Variants in MYO16 observed in about 807,000 individuals in gnomAD.
The protein encoded by MYO16 is unconventional myosin-XVI.
In MYO16, 94 loss-of-function variants were observed where a neutral mutation model predicts 205.3. The observed-to-expected ratio is 0.46, with a 90% CI of 0.39 to 0.54. The LOEUF (loss-of-function observed/expected upper bound fraction) is 0.54. Ranked by LOEUF, MYO16 falls within the 20% of genes least tolerant of loss-of-function variation. MYO16 has a pLI of 0.00. For synonymous variants in MYO16, 988 were observed against 954.0 expected (o/e 1.04, Z -0.66); for missense variants, 2,315 against 2,387.5 (o/e 0.97, Z 0.63).
At chr13:109,059,372 G>T (rs1887513116) in intron 27 of MYO16, among the ~76,000 whole-genome samples, 1 of 152,158 alleles carries the variant, frequency 6.6e-6, no homozygotes, top group African/African-American at 2.4e-5. Flanking sequence ...TGTGTTAGCA[G>T]GCATGAAAAC....
At chr13:108,877,219 A>G (rs748580121) in intron 12 of MYO16, among the ~76,000 whole-genome samples, 1 of 152,240 alleles carries the variant, frequency 6.6e-6, no homozygotes, top group Non-Finnish European at 1.5e-5. Context: ...GAGTTTCAAC[A>G]GAGATATTCC....
Position 108,925,196 on chromosome 13 carries a change from T to C in MYO16, c.1925+15046T>C, listed in dbSNP as rs139075405. Among the ~76,000 whole-genome samples, 1,370 of 152,288 alleles carry C rather than the reference T, an allele frequency of 9.0e-3. 17 individuals carry two copies. The highest frequency in any genetic ancestry group is 0.03 in the African/African-American group (1,246 of 41,552). ...TCTCACTGGTCCCGGCATCTCTCTG[T>C]GGGCATCCTTTAAGATGTTTAACTT... On this transcript the variant is annotated intron_variant, in intron 16 of 34. Transcript: ENST00000457511.
At chr13:108,663,784 C>A (rs1881606326) in intron 1 of MYO16, among the ~76,000 whole-genome samples, 1 of 152,202 alleles carries the variant, frequency 6.6e-6, no homozygotes, top group Non-Finnish European at 1.5e-5. Flanking sequence ...CAACTGCTGG[C>A]TAATCAACAC....
At chr13:108,671,684 A>G (rs779632796) in intron 2 of MYO16, among the ~76,000 whole-genome samples, 33 of 152,182 alleles carry the variant, frequency 2.2e-4, no homozygotes, top group Non-Finnish European at 3.2e-4. Flanking sequence ...TCAAAATATC[A>G]CAGACTAAAC....
intron 32 of MYO16, among the ~76,000 whole-genome samples, chr13:109,143,103 T>C (rs1048552229): frequency 6.6e-6 from 1 of 152,032 alleles, no homozygotes; most frequent in African/African-American, 2.4e-5. Flanking sequence ...AGTGGTAGGA[T>C]TGGAAGTAAA....
At chr13:108,978,232 G>A (rs996414331) in intron 20 of MYO16, among the ~76,000 whole-genome samples, 3 of 151,746 alleles carry the variant, frequency 2.0e-5, no homozygotes, top group Non-Finnish European at 2.9e-5. Context: ...GTAAATGATC[G>A]TAATTATCTT....
At chr13:108,542,388 A>T in the MYO16 span, among the ~76,000 whole-genome samples, 2 of 152,174 alleles carry the variant, frequency 1.3e-5, no homozygotes, top group Admixed American at 1.3e-4. Flanking sequence ...CTGCGTGATG[A>T]AATAATCTGT....
At chr13:108,546,261 G>A in the MYO16 span, among the ~76,000 whole-genome samples, 2 of 152,150 alleles carry the variant, frequency 1.3e-5, no homozygotes, top group Non-Finnish European at 2.9e-5. Flanking sequence ...CCTTAGGGTT[G>A]CGTTCTGAGC....
At chr13:108,681,623 G>T (rs551617586) in intron 2 of MYO16, among the ~76,000 whole-genome samples, 1 of 152,056 alleles carries the variant, frequency 6.6e-6, no homozygotes, top group East Asian at 1.9e-4. Flanking sequence ...CCATCAAGAA[G>T]GTGAACATGT....
At chr13:109,115,880 G>A (rs183368819) in intron 28 of MYO16, among the ~76,000 whole-genome samples, 4 of 152,220 alleles carry the variant, frequency 2.6e-5, no homozygotes, top group Admixed American at 1.3e-4. Context: ...AATGGTTTCT[G>A]AGGAAGAACT....
the MYO16 span, among the ~76,000 whole-genome samples, chr13:108,499,903 A>T: frequency 6.6e-6 from 1 of 152,120 alleles, no homozygotes; most frequent in Non-Finnish European, 1.5e-5. Flanking sequence ...CCTCCACTTC[A>T]TGGAAGTCCA....
chr13:108,698,949 A>G (rs910404833), intron 2 of MYO16, among the ~76,000 whole-genome samples: 13 of 152,166 alleles, frequency 8.5e-5, no homozygotes, highest in Non-Finnish European at 1.5e-5. Flanking sequence ...CAAAGAGCAT[A>G]GTAAGTGCCA....
chr13:108,866,160 C>T lies in MYO16; in HGVS notation c.1360-17C>T, dbSNP rs188745531. On this transcript the variant is annotated splice_polypyrimidine_tract_variant and intron_variant, in intron 11 of 34. Transcript: ENST00000457511. Reference sequence around the variant, plus strand: ...ATTTATATGACTCATGAACTGTTTGCATCCCTTTTTTCACAGACATTCATT... The same window carrying T: ...ATTTATATGACTCATGAACTGTTTGTATCCCTTTTTTCACAGACATTCATT... The T allele has an allele frequency of 7.6e-6, 12 of 1,580,318 alleles. No homozygotes were observed. In the East Asian group the frequency reaches 2.0e-4, roughly 27 times the overall value.
chr13:108,659,035 T>G (rs1222606710), intron 1 of MYO16, among the ~76,000 whole-genome samples: 1 of 151,794 alleles, frequency 6.6e-6, no homozygotes, highest in East Asian at 1.9e-4. Context: ...TTCCGGTAGT[T>G]GTACAGCAGA....
At chr13:108,602,118 A>C (rs1240466136) in intron 1 of MYO16, among the ~76,000 whole-genome samples, 6 of 150,926 alleles carry the variant, frequency 4.0e-5, no homozygotes, top group African/African-American at 7.4e-5. Context: ...AAAAAAAAAA[A>C]AAAACAGCCC....
intron 1 of MYO16, among the ~76,000 whole-genome samples, chr13:108,610,079 A>G (rs1474504435): frequency 6.6e-6 from 1 of 152,186 alleles, no homozygotes; most frequent in Non-Finnish European, 1.5e-5. Context: ...TGAGTGTTAC[A>G]CCTGAAACGG....
chr13:108,952,303 A>T (rs1389251554), intron 16 of MYO16, among the ~76,000 whole-genome samples: 2 of 152,180 alleles, frequency 1.3e-5, no homozygotes, highest in African/African-American at 4.8e-5. Context: ...TGGAACAGAA[A>T]GACCTTCAGT....
At chr13:108,692,892 G>A (rs191170519) in intron 2 of MYO16, among the ~76,000 whole-genome samples, 29 of 152,156 alleles carry the variant, frequency 1.9e-4, no homozygotes. Context: ...AACTAGCTCC[G>A]TCTCCATGGA....
intron 9 of MYO16, among the ~76,000 whole-genome samples, chr13:108,826,745 A>C (rs758502014): frequency 6.6e-6 from 1 of 152,198 alleles, no homozygotes; most frequent in African/African-American, 2.4e-5. Context: ...TCTTCAAAGA[A>C]GATACAATCA....
Sources: allele counts gnomAD v4.1 joint callset (sites outside exome capture counted in the v4.1 genomes callset), GRCh38; gene constraint gnomAD v4.1.1; transcripts MANE v1.5; gene names NCBI Gene and HGNC (gene_info 2026-07-23, HGNC 2026-07-21).